Variants in ZNF224 observed in about 807,000 individuals in gnomAD.
ZNF224 encodes the protein bone marrow zinc finger 2.
Under a neutral mutation model 10.5 loss-of-function variants are expected in ZNF224, and 8 were observed. That is an observed-to-expected ratio of 0.76 (90% CI 0.45 to 1.37). The LOEUF (loss-of-function observed/expected upper bound fraction) is 1.37. Among genes scored for constraint, ZNF224 ranks in the 40% most tolerant of loss-of-function variants. The pLI, the probability that ZNF224 is intolerant of heterozygous loss-of-function variation, is 0.00. For missense variants in ZNF224, 754 were observed against 854.0 expected (o/e 0.88, Z 1.46); for synonymous variants, 282 against 287.8 (o/e 0.98, Z 0.20).
rs751382465 is a variant in ZNF224, at chr19:44,107,330, TCAGCGAGTC to T, written c.1173_1181del (p.Gln391_Val393del). The T allele has an allele frequency of 2.5e-6, 4 of 1,585,830 alleles. No homozygotes were observed. The Admixed American group carries it at 5.4e-5, about 22-fold the overall frequency. On this transcript the variant is annotated inframe_deletion, in exon 6 of 6. Coordinates refer to ENST00000693561, the MANE Select transcript of ZNF224 (RefSeq NM_001321645.3). The stretch of plus-strand genomic sequence containing the variant: ...GATGGGCCTCGTGTCTTTTGAAACA[TCAGCGAGTC>T]CACAGTGGAGAAAAACCATTCAAAT...
chr19:44,100,935 C>T lies in ZNF224; in HGVS notation c.142+8C>T, dbSNP rs1334409956. On this transcript the variant is annotated splice_region_variant and intron_variant, in intron 4 of 5. Coordinates refer to ENST00000693561, the MANE Select transcript of ZNF224 (RefSeq NM_001321645.3). The stretch of plus-strand genomic sequence containing the variant: ...GGAACCTGCTCTCAGTGGGTGAGGA[C>T]AGGCACCCTCTGTAACAGAACGTCA... The T allele has an allele frequency of 1.2e-6, 2 of 1,613,392 alleles. No homozygotes were observed. Among genetic ancestry groups the T allele is most frequent in the Non-Finnish European group, 1.7e-6 (2 of 1,179,570 alleles).
Position 44,108,308 on chromosome 19 carries a change from T to TGG in ZNF224, c.*24_*25insGG. 3 of 1,579,774 alleles carry TGG rather than the reference T, an allele frequency of 1.9e-6. No individual in the cohort carries two copies. Among genetic ancestry groups the TGG allele is most frequent in the Non-Finnish European group, 1.7e-6 (2 of 1,163,490 alleles). On this transcript the variant is annotated 3_prime_UTR_variant, in exon 6 of 6. Transcript: ENST00000693561. Reference sequence around the variant, plus strand: ...AGTGATGTGATGGTGCAATAAAGTCTTCACTCAGTCTTCATGAATGCAGTC... The same window carrying TGG: ...AGTGATGTGATGGTGCAATAAAGTCTGGTCACTCAGTCTTCATGAATGCAGTC...
In ZNF224 at chr19:44,106,827, C is replaced by G. The variant is rs1967676166; in HGVS notation, c.667C>G (p.Gln223Glu). 6.2e-7 allele frequency: 1 copy of G among 1,613,700 alleles called. No individual in the cohort carries two copies. The highest frequency in any genetic ancestry group is 8.5e-7 in the Non-Finnish European group (1 of 1,179,812). Residue 223 changes from glutamine (Q) to glutamate (E), a missense_variant, in exon 6 of 6, where the codon CAG becomes GAG. Transcript: ENST00000693561. Reference sequence around the variant, plus strand: ...TCAGAGTTCACATCTGCAAACTCATCAGAGAGTCCACACTGGAGAGAAACC... The same window carrying G: ...TCAGAGTTCACATCTGCAAACTCATGAGAGAGTCCACACTGGAGAGAAACC... ...FSQSSHLQTHQRVHTGEKPFK... is the reference protein window; with the variant it reads ...FSQSSHLQTHERVHTGEKPFK...
At chr19:44,104,711 G>GAGTGC (rs1967615399) in intron 5 of ZNF224, among the ~76,000 whole-genome samples, 1 of 151,866 alleles carries the variant, frequency 6.6e-6, no homozygotes, top group Non-Finnish European at 1.5e-5. Flanking sequence ...ACCCAGGCTG[G>GAGTGC]AGTGCAGTGG....
intron 3 of ZNF224, 41 bp from the exon 4 acceptor site, chr19:44,100,760 A>G: frequency 1.3e-6 from 2 of 1,598,384 alleles, no homozygotes; most frequent in Non-Finnish European, 1.7e-6. Flanking sequence ...CCCAGGAATC[A>G]TTGGTCATGA....
intron 5 of ZNF224, among the ~76,000 whole-genome samples, chr19:44,104,541 C>T (rs1390652164): frequency 2.0e-5 from 3 of 152,174 alleles, no homozygotes; most frequent in African/African-American, 7.2e-5. Context: ...AGAAACAGTT[C>T]TGGGAAGTAC....
In ZNF224 at chr19:44,094,509, G is replaced by A. The variant is rs1396528786; in HGVS notation, c.-179G>A. 1 of 152,470 alleles carries A rather than the reference G, an allele frequency of 6.6e-6. No individual in the cohort carries two copies. The highest frequency in any genetic ancestry group is 6.5e-5 in the Admixed American group (1 of 15,276). 9.4% of individuals were successfully genotyped at this position (152,470 alleles called of 1,614,324 possible). A position where few individuals can be genotyped will look rare whatever the true frequency, so the allele number is the denominator to read the frequency against. On this transcript the variant is annotated 5_prime_UTR_variant, in exon 1 of 6. Coordinates refer to ENST00000693561, the MANE Select transcript of ZNF224 (RefSeq NM_001321645.3). ...AACTGGTGATCGAATTAGGGGAAAA[G>A]GGGCCTCGTCGGAGAGTAGAGGTTT... is the stretch of plus-strand genomic sequence containing the variant.
At chr19:44,095,139 T>G (rs972385802) in intron 1 of ZNF224, 4 of 238,868 alleles carry the variant, frequency 1.7e-5, no homozygotes, top group African/African-American at 9.2e-5. Context: ...ACTTCTTGGC[T>G]TCTGAGGGCA....
chr19:44,100,686 A>AT, intron 3 of ZNF224, 115 bp from the exon 4 acceptor site: 1 of 1,316,292 alleles, frequency 7.6e-7, no homozygotes, highest in Non-Finnish European at 1.0e-6. Context: ...GAGTTGACCT[A>AT]TGTCTCTCAA....
rs1967737402 is a variant in ZNF224, at chr19:44,107,984, C to A, written c.1824C>A (p.Ser608=). 4.3e-6 allele frequency: 7 copies of A among 1,614,154 alleles called. No individual in the cohort carries two copies. The highest frequency in any genetic ancestry group is 5.9e-6 in the Non-Finnish European group (7 of 1,180,022). The change falls in exon 6 of 6, where the codon TCC becomes TCA. Residue 608 remains serine (S), a synonymous_variant. Coordinates refer to ENST00000693561, the MANE Select transcript of ZNF224 (RefSeq NM_001321645.3). ...CDECGKGFSW[S]STRLTHQRRH... ...AGTGTGGGAAGGGCTTCAGCTGGTC[C>A]TCAACTCGTCTGACCCATCAGAGAC...
At chr19:44,096,284 T>C (rs1163543801) in intron 1 of ZNF224, 59 bp from the exon 2 acceptor site, 4 of 152,264 alleles carry the variant, frequency 2.6e-5, no homozygotes, top group Non-Finnish European at 5.9e-5. Flanking sequence ...TTATTTACTC[T>C]TTACCCACGT....
intron 3 of ZNF224, among the ~76,000 whole-genome samples, chr19:44,098,721 T>G (rs1449909084): frequency 1.3e-5 from 2 of 151,906 alleles, no homozygotes; most frequent in African/African-American, 4.8e-5. Context: ...GTGGCTGGGG[T>G]TACAGGCATG....
intron 5 of ZNF224, among the ~76,000 whole-genome samples, chr19:44,102,140 G>A (rs1967560840): frequency 6.6e-6 from 1 of 152,168 alleles, no homozygotes; most frequent in Non-Finnish European, 1.5e-5. Context: ...AGAAGCTTCT[G>A]TCTCAGCCCT....
chr19:44,100,957 G>C (rs367910766), intron 4 of ZNF224, 30 bp downstream of exon 4: 112 of 1,611,300 alleles, frequency 7.0e-5, no homozygotes, highest in Middle Eastern at 1.6e-4. Flanking sequence ...GTAACAGAAC[G>C]TCAGGCCCCA....
chr19:44,099,043 G>A (rs1245582728), intron 3 of ZNF224, among the ~76,000 whole-genome samples: 1 of 152,178 alleles, frequency 6.6e-6, no homozygotes, highest in African/African-American at 2.4e-5. Flanking sequence ...CAAGGGTCCA[G>A]AATATTAGTT....
chr19:44,102,967 A>G (rs1967579168), intron 5 of ZNF224, among the ~76,000 whole-genome samples: 1 of 152,230 alleles, frequency 6.6e-6, no homozygotes, highest in South Asian at 2.1e-4. Flanking sequence ...TGGGTGGGGA[A>G]GAATGAGGAA....
At position 44,107,277 on chromosome 19, in the gene ZNF224, A is replaced by G; in HGVS notation, c.1117A>G (p.Asn373Asp). The G allele has an allele frequency of 1.9e-6, 3 of 1,582,146 alleles. No individual in the cohort carries two copies. Among genetic ancestry groups the G allele is most frequent in the Middle Eastern group, 1.7e-4 (1 of 5,888 alleles). ...GGTCCACACGGGAGAAAAGCCATAT[A>G]ATTGTAAAGAGTGTGGGAAGAGCTT... Reference protein sequence around the residue: ...HMVHTGEKPYNCKECGKSFRW... With the variant: ...HMVHTGEKPYDCKECGKSFRW... Residue 373 changes from asparagine to aspartate, a missense_variant, in exon 6 of 6, where the codon AAT becomes GAT. Transcript: ENST00000693561.
intron 5 of ZNF224, among the ~76,000 whole-genome samples, chr19:44,101,427 G>A (rs575325899): frequency 6.6e-6 from 1 of 152,338 alleles, no homozygotes; most frequent in South Asian, 2.1e-4. Context: ...CTTAGGAAAT[G>A]TAAGTCAGAT....
intron 2 of ZNF224, 41 bp from the exon 3 acceptor site, chr19:44,097,765 C>T: frequency 7.6e-7 from 1 of 1,323,110 alleles, no homozygotes; most frequent in Non-Finnish European, 1.1e-6. Context: ...CCCTGGCCAC[C>T]TTTTCATGTC....
Sources: gnomAD v4.1 joint callset for allele counts (sites outside exome capture counted in the v4.1 genomes callset) on GRCh38, gnomAD v4.1.1 for gene constraint, MANE v1.5 for transcripts, NCBI Gene and HGNC (gene_info 2026-07-23, HGNC 2026-07-21) for gene names.